Variants in GRIK2 observed in about 807,000 individuals in gnomAD.
The protein encoded by GRIK2 is glutamate receptor ionotropic, kainate 2.
In GRIK2, 32 loss-of-function variants were observed where a neutral mutation model predicts 100.3. That is an observed-to-expected ratio of 0.32 (90% confidence interval 0.24 to 0.43). The LOEUF is 0.43. GRIK2 is among the 20% of genes least tolerant of loss of function. GRIK2 has a pLI of 1.00. For missense variants in GRIK2, 843 were observed against 1,114.9 expected (o/e 0.76, Z 3.47); for synonymous variants, 417 against 389.4 (o/e 1.07, Z -0.83).
chr6:101,575,155 G>A (rs190559495), intron 2 of GRIK2, among the ~76,000 whole-genome samples: 5 of 151,724 alleles, frequency 3.3e-5, no homozygotes, highest in Non-Finnish European at 7.4e-5. Context: ...ATAAGGGATA[G>A]GTACAACGAA....
chr6:101,937,131 A>G (rs139895377), intron 14 of GRIK2, among the ~76,000 whole-genome samples: 81 of 152,234 alleles, frequency 5.3e-4, no homozygotes, highest in African/African-American at 1.9e-3. Context: ...CTTTAACTGA[A>G]TAAAGAAGTT....
At chr6:102,058,058 G>C (rs1237788199) in intron 16 of GRIK2, among the ~76,000 whole-genome samples, 3 of 151,818 alleles carry the variant, frequency 2.0e-5, no homozygotes, top group African/African-American at 7.2e-5. Context: ...TTCAGGTACT[G>C]TCATAATCTA....
At chr6:101,535,518 G>A (rs1400988237) in intron 2 of GRIK2, among the ~76,000 whole-genome samples, 1 of 151,574 alleles carries the variant, frequency 6.6e-6, no homozygotes, top group Non-Finnish European at 1.5e-5. Flanking sequence ...ATAACAAATG[G>A]CTGATCATTT....
intron 15 of GRIK2, among the ~76,000 whole-genome samples, chr6:102,043,152 T>TA (rs936133668): frequency 6.6e-6 from 1 of 151,792 alleles, no homozygotes; most frequent in Non-Finnish European, 1.5e-5. Context: ...TTATATTATT[T>TA]AAAAAAATTT....
At chr6:101,686,716 A>C (rs140492222) in intron 7 of GRIK2, among the ~76,000 whole-genome samples, 1 of 152,254 alleles carries the variant, frequency 6.6e-6, no homozygotes, top group East Asian at 1.9e-4. Flanking sequence ...ATACTCTTCA[A>C]CATGATGATT....
At chr6:102,029,807 A>G (rs1457416725) in intron 14 of GRIK2, among the ~76,000 whole-genome samples, 4 of 151,178 alleles carry the variant, frequency 2.6e-5, no homozygotes, top group African/African-American at 9.7e-5. Flanking sequence ...ATAAAATAAT[A>G]AAAACTGTAT....
chr6:101,839,474 C>T (rs1783362470), intron 10 of GRIK2, among the ~76,000 whole-genome samples: 1 of 149,584 alleles, frequency 6.7e-6, no homozygotes, highest in African/African-American at 2.6e-5. Context: ...AGATAGGCAA[C>T]ATCAAAGTAG....
intron 2 of GRIK2, among the ~76,000 whole-genome samples, chr6:101,584,216 G>A (rs938295205): frequency 1.3e-5 from 2 of 152,068 alleles, no homozygotes; most frequent in Non-Finnish European, 2.9e-5. Context: ...TAGATTTAGT[G>A]ATGCAAAGCA....
chr6:101,790,371 G>T (rs773793516), intron 7 of GRIK2, among the ~76,000 whole-genome samples: 1 of 152,140 alleles, frequency 6.6e-6, no homozygotes, highest in Non-Finnish European at 1.5e-5. Flanking sequence ...AATATTTTGA[G>T]ATACGTCACA....
At chr6:101,538,678 C>T (rs141426891) in intron 2 of GRIK2, among the ~76,000 whole-genome samples, 1 of 151,226 alleles carries the variant, frequency 6.6e-6, no homozygotes, top group African/African-American at 2.4e-5. Context: ...TATAGTGTGT[C>T]CTTCCTGTCA....
chr6:101,925,820 G>T (rs966790086), intron 13 of GRIK2, among the ~76,000 whole-genome samples: 1 of 151,856 alleles, frequency 6.6e-6, no homozygotes, highest in African/African-American at 2.4e-5. Flanking sequence ...TCTAAAAAAG[G>T]CATCGTGCTA....
At chr6:101,725,670 C>A (rs12214512) in intron 7 of GRIK2, among the ~76,000 whole-genome samples, 1 of 151,920 alleles carries the variant, frequency 6.6e-6, no homozygotes, top group South Asian at 2.1e-4. Flanking sequence ...GACTTAAATA[C>A]ATGTTTACCT....
At chr6:101,409,301 CTG>C (rs937869996) in intron 2 of GRIK2, among the ~76,000 whole-genome samples, 6 of 151,976 alleles carry the variant, frequency 3.9e-5, no homozygotes, top group Non-Finnish European at 8.8e-5. Context: ...GAGCAATTGG[CTG>C]TAACATATAG....
At chr6:101,967,260 T>C (rs1335746605) in intron 14 of GRIK2, among the ~76,000 whole-genome samples, 2 of 152,024 alleles carry the variant, frequency 1.3e-5, no homozygotes, top group Non-Finnish European at 2.9e-5. Context: ...TTACTTAACA[T>C]TGATACTTTA....
At chr6:102,021,956 G>A (rs1290338787) in intron 14 of GRIK2, among the ~76,000 whole-genome samples, 144 of 140,762 alleles carry the variant, frequency 1.0e-3, no homozygotes, top group African/African-American at 3.4e-3. Context: ...GATACATTCG[G>A]AAAAAAAAAA....
chr6:101,890,687 C>A (rs1786992961), intron 12 of GRIK2, among the ~76,000 whole-genome samples: 1 of 151,846 alleles, frequency 6.6e-6, no homozygotes, highest in South Asian at 2.1e-4. Context: ...CTTTATTTTA[C>A]TCTCGGAGGT....
chr6:102,056,440 A>C (rs1482963119), intron 16 of GRIK2, among the ~76,000 whole-genome samples: 1 of 151,964 alleles, frequency 6.6e-6, no homozygotes, highest in African/African-American at 2.4e-5. Context: ...TGACAAAACC[A>C]ACAGTTTAAA....
chr6:101,565,959 A>AT (rs71547433), intron 2 of GRIK2, among the ~76,000 whole-genome samples: 59 of 143,348 alleles, frequency 4.1e-4, no homozygotes, highest in East Asian at 1.8e-3. Context: ...ATATATATAT[A>AT]AGCAAACTAG....
intron 13 of GRIK2, among the ~76,000 whole-genome samples, chr6:101,927,095 G>T (rs977826938): frequency 6.6e-6 from 1 of 152,012 alleles, no homozygotes; most frequent in Non-Finnish European, 1.5e-5. Flanking sequence ...TTACAGAGCT[G>T]TAGGCAGAAT....
Sources: gnomAD v4.1 joint callset for allele counts (sites outside exome capture counted in the v4.1 genomes callset) on GRCh38, gnomAD v4.1.1 for gene constraint, MANE v1.5 for transcripts, NCBI Gene and HGNC (gene_info 2026-07-23, HGNC 2026-07-21) for gene names.